BCLAF3: variants seen among roughly 807,000 people sequenced by gnomAD.
BCLAF3 encodes BCLAF1 and THRAP3 family member 3.
Under a neutral mutation model 51.2 loss-of-function variants are expected in BCLAF3, and 24 were observed. The observed-to-expected ratio is 0.47, with a 90% confidence interval of 0.34 to 0.66. The LOEUF (loss-of-function observed/expected upper bound fraction) is 0.66, where lower values mean the gene tolerates loss of function less well. Among genes scored for constraint, BCLAF3 ranks in the 30% least tolerant of loss-of-function variants. The probability of loss-of-function intolerance (pLI) is 0.01; values close to 1 mark genes in which losing one functional copy is unlikely to be tolerated. For missense variants in BCLAF3, 465 were observed against 525.1 expected (o/e 0.89, Z 1.12); for synonymous variants, 152 against 176.6 (o/e 0.86, Z 1.10).
intron 1 of BCLAF3, among the ~76,000 whole-genome samples, chrX:19,989,999 G>A (rs1200779271): frequency 9.0e-6 from 1 of 110,887 alleles, no homozygotes; most frequent in Non-Finnish European, 1.9e-5. Flanking sequence ...TCCTCGTTAT[G>A]AATCTGCAGC....
intron 8 of BCLAF3, among the ~76,000 whole-genome samples, chrX:19,949,033 T>C (rs2071397181): frequency 9.0e-6 from 1 of 111,198 alleles, no homozygotes; most frequent in Admixed American, 9.6e-5. Flanking sequence ...TGTTAAGTAA[T>C]GTCTCATTTT....
chrX:19,976,762 T>C (rs1176844023), intron 1 of BCLAF3, among the ~76,000 whole-genome samples: 1 of 112,122 alleles, frequency 8.9e-6, no homozygotes. Flanking sequence ...ACAGTAAGTC[T>C]GTAGAGGCAC....
intron 8 of BCLAF3, among the ~76,000 whole-genome samples, chrX:19,948,940 T>A (rs1399300736): frequency 9.1e-6 from 1 of 110,453 alleles, no homozygotes; most frequent in African/African-American, 3.3e-5. Context: ...TGATGAAATG[T>A]TTCGGAATTA....
chrX:19,917,633 C>T (rs1014914304), intron 11 of BCLAF3, among the ~76,000 whole-genome samples: 3 of 111,918 alleles, frequency 2.7e-5, no homozygotes, highest in East Asian at 5.6e-4. Context: ...GAAGGCATCC[C>T]TGGCATAAAA....
rs1269621468 is a variant in BCLAF3 at position 19,916,695 on chromosome X, A to C, written c.*610T>G. On this transcript the variant is annotated 3_prime_UTR_variant, in exon 12 of 12. Coordinates refer to ENST00000379682, the MANE Select transcript of BCLAF3 (RefSeq NM_001367774.2). ...ATAGTTGTGGAAAAAAACTGAATGA[A>C]CATATTACTAAAAATTCAGTGCACT... The C allele has an allele frequency of 8.9e-6, 1 of 112,498 alleles. No individual in the cohort carries two copies. The highest frequency in any genetic ancestry group is 3.2e-5 in the African/African-American group (1 of 30,954). 9.3% of individuals were successfully genotyped at this position (112,498 alleles called of 1,213,427 possible). A position where few individuals can be genotyped will look rare whatever the true frequency, so the allele number is the denominator to read the frequency against.
At chrX:19,980,590 A>T (rs892125453) in intron 1 of BCLAF3, among the ~76,000 whole-genome samples, 8 of 111,673 alleles carry the variant, frequency 7.2e-5, no homozygotes, top group Non-Finnish European at 1.5e-4. Context: ...ATGTAAATGT[A>T]CATATAAGAC....
intron 1 of BCLAF3, among the ~76,000 whole-genome samples, chrX:19,983,899 T>C (rs1323350135): frequency 4.8e-5 from 5 of 104,431 alleles, no homozygotes; most frequent in African/African-American, 1.8e-4. Flanking sequence ...TGAAACCCCG[T>C]CTCCGCTAAA....
intron 4 of BCLAF3, among the ~76,000 whole-genome samples, chrX:19,957,650 G>C (rs754894488): frequency 9.0e-6 from 1 of 111,388 alleles, no homozygotes; most frequent in East Asian, 2.8e-4. Context: ...TCAATCCATA[G>C]GAGTTACATA....
At chrX:19,927,901 G>A (rs1239443480) in intron 11 of BCLAF3, among the ~76,000 whole-genome samples, 6 of 104,257 alleles carry the variant, frequency 5.8e-5, no homozygotes, top group African/African-American at 1.8e-4. Flanking sequence ...TTTTTTAATA[G>A]GTCTCACTCT....
chrX:19,986,828 A>G (rs1296050246), intron 1 of BCLAF3, among the ~76,000 whole-genome samples: 2 of 98,105 alleles, frequency 2.0e-5, no homozygotes, highest in Non-Finnish European at 4.1e-5. Context: ...CCTTGAGTCC[A>G]GGTCTCACCC....
At chrX:19,931,994 AC>A (rs1341718944) in intron 10 of BCLAF3, among the ~76,000 whole-genome samples, 1 of 112,463 alleles carries the variant, frequency 8.9e-6, no homozygotes, top group Non-Finnish European at 1.9e-5. Flanking sequence ...TAAGAACTCA[AC>A]CAGTGTTCAT....
At chrX:19,920,819 TAA>T (rs749960197) in intron 11 of BCLAF3, among the ~76,000 whole-genome samples, 29 of 75,284 alleles carry the variant, frequency 3.9e-4, no homozygotes, top group Admixed American at 4.6e-4. Context: ...AGACCCTGTC[TAA>T]AAAAAAAAAA....
In BCLAF3 at chrX:19,917,239, G is replaced by A; in HGVS notation, c.*66C>T. The stretch of plus-strand genomic sequence containing the variant: ...TGCCTTAGTGTCACTTCTAACTCCT[G>A]ACAAAAAGAGAGAGATGCTCCCAAA... On this transcript the variant is annotated 3_prime_UTR_variant, in exon 12 of 12. Coordinates refer to ENST00000379682, the MANE Select transcript of BCLAF3 (RefSeq NM_001367774.2). The A allele has an allele frequency of 6.8e-6, 7 of 1,024,432 alleles. No homozygotes were observed. Among genetic ancestry groups the A allele is most frequent in the Non-Finnish European group, 9.6e-6 (7 of 728,280 alleles). 84.4% of individuals were successfully genotyped at this position (1,024,432 alleles called of 1,213,427 possible).
intron 3 of BCLAF3, 138 bp downstream of exon 3, chrX:19,965,942 A>G: frequency 1.7e-6 from 1 of 601,481 alleles, no homozygotes; most frequent in South Asian, 3.3e-5. Context: ...TACTACCAGT[A>G]CCCCATAATT....
In BCLAF3 at chrX:19,916,699, A is replaced by G. The variant is rs1226194785; in HGVS notation, c.*606T>C. The G allele has an allele frequency of 8.9e-6, 1 of 112,525 alleles. No homozygotes were observed. The highest frequency in any genetic ancestry group is 1.9e-5 in the Non-Finnish European group (1 of 53,229). 9.3% of individuals were successfully genotyped at this position (112,525 alleles called of 1,213,427 possible). A position where few individuals can be genotyped will look rare whatever the true frequency, so the allele number is the denominator to read the frequency against. ...TTGTGGAAAAAAACTGAATGAACAT[A>G]TTACTAAAAATTCAGTGCACTCACA... On this transcript the variant is annotated 3_prime_UTR_variant, in exon 12 of 12. Transcript: ENST00000379682.
intron 11 of BCLAF3, chrX:19,929,301 T>C (rs1436098783): frequency 8.9e-6 from 1 of 112,115 alleles, no homozygotes; most frequent in African/African-American, 3.2e-5. Flanking sequence ...TTGATGCTAC[T>C]TAAAAATGGT....
chrX:19,926,301 T>C (rs1379408052), intron 11 of BCLAF3, among the ~76,000 whole-genome samples: 1 of 111,763 alleles, frequency 8.9e-6, no homozygotes, highest in African/African-American at 3.2e-5. Flanking sequence ...TAACTATAAC[T>C]GCTACACTTT....
chrX:19,963,905 C>G (rs2071950418), intron 4 of BCLAF3, among the ~76,000 whole-genome samples: 1 of 111,111 alleles, frequency 9.0e-6, no homozygotes, highest in South Asian at 3.8e-4. Context: ...GTCCTAGATA[C>G]TCAGGAGGCC....
intron 8 of BCLAF3, among the ~76,000 whole-genome samples, 200 bp from the exon 9 acceptor site, chrX:19,937,732 T>C (rs1012588589): frequency 8.9e-6 from 1 of 112,503 alleles, no homozygotes; most frequent in African/African-American, 3.2e-5. Flanking sequence ...ATGTTATTTA[T>C]CTAAGTTGGA....
Sources: allele counts gnomAD v4.1 joint callset (sites outside exome capture counted in the v4.1 genomes callset), GRCh38; gene constraint gnomAD v4.1.1; transcripts MANE v1.5; gene names NCBI Gene and HGNC (gene_info 2026-07-23, HGNC 2026-07-21).